SLC10A7: variants seen among roughly 807,000 people sequenced by gnomAD.
SLC10A7 encodes the protein solute carrier family 10 member 7, also known as sodium/bile acid cotransporter 7.
Under a neutral mutation model 43.2 loss-of-function variants are expected in SLC10A7, and 29 were observed. The observed-to-expected ratio is 0.67, with a 90% confidence interval of 0.50 to 0.92. SLC10A7 has a LOEUF of 0.92. Among genes scored for constraint, SLC10A7 ranks in the 40% least tolerant of loss-of-function variants. The pLI is 0.00. For synonymous variants in SLC10A7, 152 were observed against 144.8 expected, an observed-to-expected ratio of 1.05 and a Z score of -0.35; for missense variants, 295 against 403.2, an observed-to-expected ratio of 0.73 and a Z score of 2.30.
intron 5 of SLC10A7, among the ~76,000 whole-genome samples, chr4:146,429,296 T>A (rs759560127): frequency 2.5e-4 from 38 of 152,280 alleles, no homozygotes; most frequent in Admixed American, 3.3e-4. Flanking sequence ...ATTATGATAA[T>A]TAGCGTACAT....
intron 4 of SLC10A7, among the ~76,000 whole-genome samples, chr4:146,466,981 AAAC>A: frequency 6.6e-6 from 1 of 152,284 alleles, no homozygotes; most frequent in African/African-American, 2.4e-5. Context: ...TGGCCCCAAA[AAAC>A]AACTTCATCT....
At chr4:146,317,977 ATC>A (rs368600789) in intron 6 of SLC10A7, among the ~76,000 whole-genome samples, 274 of 151,722 alleles carry the variant, frequency 1.8e-3, no homozygotes, top group African/African-American at 6.5e-3. Flanking sequence ...CCCATAATAA[ATC>A]TCTCTCTCTA....
At chr4:146,280,305 G>T (rs115694031) in intron 10 of SLC10A7, among the ~76,000 whole-genome samples, 2,008 of 152,258 alleles carry the variant, frequency 0.013, 52 homozygotes, top group African/African-American at 0.045. Flanking sequence ...TGTGTCAGCA[G>T]TGAGAGAAAA....
chr4:146,310,359 G>A (rs548004252), intron 6 of SLC10A7, among the ~76,000 whole-genome samples: 2 of 152,256 alleles, frequency 1.3e-5, no homozygotes, highest in South Asian at 4.1e-4. Flanking sequence ...TTGCTGGGTT[G>A]AATGGTAGTT....
intron 7 of SLC10A7, 50 bp from the exon 8 acceptor site, chr4:146,294,145 T>C (rs777951626): frequency 5.6e-5 from 79 of 1,403,168 alleles, no homozygotes; most frequent in Non-Finnish European, 7.2e-5. Flanking sequence ...TGGAGGGAGT[T>C]GAAATGGGCA....
intron 2 of SLC10A7, among the ~76,000 whole-genome samples, chr4:146,512,514 G>A (rs1737577686): frequency 6.6e-6 from 1 of 152,106 alleles, no homozygotes; most frequent in Non-Finnish European, 1.5e-5. Flanking sequence ...CATTTAAAAA[G>A]TTAAAATCTA....
intron 4 of SLC10A7, among the ~76,000 whole-genome samples, chr4:146,476,252 C>A (rs1025026281): frequency 2.6e-5 from 4 of 152,048 alleles, no homozygotes; most frequent in Non-Finnish European, 5.9e-5. Context: ...TTTTAAAGCA[C>A]AATTAAACAC....
At chr4:146,348,804 A>G (rs1274295184) in intron 5 of SLC10A7, among the ~76,000 whole-genome samples, 1 of 152,212 alleles carries the variant, frequency 6.6e-6, no homozygotes, top group African/African-American at 2.4e-5. Flanking sequence ...GAGATAGCCA[A>G]AGATATAATA....
At chr4:146,287,526 A>G (rs1223286316) in intron 9 of SLC10A7, among the ~76,000 whole-genome samples, 2 of 152,208 alleles carry the variant, frequency 1.3e-5, no homozygotes, top group African/African-American at 4.8e-5. Context: ...CTTTCTTTGT[A>G]AAGTGTGAGC....
chr4:146,481,845 C>G (rs1478050836), intron 4 of SLC10A7, among the ~76,000 whole-genome samples: 1 of 152,174 alleles, frequency 6.6e-6, no homozygotes, highest in African/African-American at 2.4e-5. Context: ...AACAGTGCTG[C>G]TGTGGCTGCC....
intron 10 of SLC10A7, among the ~76,000 whole-genome samples, chr4:146,279,196 T>C (rs1729388595): frequency 6.6e-6 from 1 of 152,188 alleles, no homozygotes; most frequent in African/African-American, 2.4e-5. Flanking sequence ...TGCTTTCAGT[T>C]TGCTATTTAA....
At chr4:146,354,168 C>T (rs370018864) in intron 5 of SLC10A7, among the ~76,000 whole-genome samples, 9,810 of 145,968 alleles carry the variant, frequency 0.067, 416 homozygotes, top group South Asian at 0.17. Flanking sequence ...TCTCCTTAAG[C>T]TGATAAGCAA....
chr4:146,278,713 A>C lies in SLC10A7; in HGVS notation c.847+4479T>G, dbSNP rs1380980915. Among the ~76,000 whole-genome samples the C allele has an allele frequency of 2.0e-5, 3 of 152,194 alleles. No homozygotes were observed. In the East Asian group the frequency reaches 5.8e-4, roughly 29 times the overall value. ...GAGCAGAAATATCAGTCACAGACTC[A>C]CAGAAACTTAATACTGGAAGGAATC... On this transcript the variant is annotated intron_variant, in intron 10 of 11. Transcript: ENST00000335472.
At chr4:146,345,877 T>C (rs1734588177) in intron 5 of SLC10A7, among the ~76,000 whole-genome samples, 1 of 152,160 alleles carries the variant, frequency 6.6e-6, no homozygotes, top group South Asian at 2.1e-4. Context: ...TAGATACTGT[T>C]CTTGCACTTT....
chr4:146,446,049 C>G lies in SLC10A7; in HGVS notation c.397-3228G>C, dbSNP rs553234331. On this transcript the variant is annotated intron_variant, in intron 4 of 11. Transcript: ENST00000335472. ...AACAAGAATAGTTCTCACTTTGGGC[C>G]GTGGGTCCAGGCTTGAGGGTGGAGC... Among the ~76,000 whole-genome samples the G allele has an allele frequency of 3.9e-5, 6 of 152,140 alleles. No homozygotes were observed. In the East Asian group the frequency reaches 7.8e-4, roughly 20 times the overall value.
intron 5 of SLC10A7, among the ~76,000 whole-genome samples, chr4:146,424,702 G>A (rs1477312150): frequency 6.6e-6 from 1 of 151,394 alleles, no homozygotes; most frequent in South Asian, 2.1e-4. Flanking sequence ...CAAAAAAACA[G>A]AAGAAACCAT....
In SLC10A7 at chr4:146,331,917, G is replaced by A. The variant is rs565571592; in HGVS notation, c.436-5921C>T. ...TAAAGAGGTGGTATAGGGAATTCTG[G>A]ACACATCTAAATTTCAACAAAATGG... is the stretch of plus-strand genomic sequence containing the variant. On this transcript the variant is annotated intron_variant, in intron 5 of 11. Coordinates refer to ENST00000335472, the MANE Select transcript of SLC10A7 (RefSeq NM_001029998.6). Among the ~76,000 whole-genome samples, 18 of 152,206 alleles carry A rather than the reference G, an allele frequency of 1.2e-4. No individual in the cohort carries two copies. In the East Asian group the frequency reaches 3.5e-3, roughly 29 times the overall value.
chr4:146,339,440 TAGCCAG>T (rs1164933590), intron 5 of SLC10A7, among the ~76,000 whole-genome samples: 1 of 151,956 alleles, frequency 6.6e-6, no homozygotes, highest in Non-Finnish European at 1.5e-5. Context: ...TAATATTCCT[TAGCCAG>T]AGCCATTCCT....
At chr4:146,301,688 G>A (rs1178781881) in intron 7 of SLC10A7, among the ~76,000 whole-genome samples, 2 of 152,144 alleles carry the variant, frequency 1.3e-5, no homozygotes, top group African/African-American at 4.8e-5. Flanking sequence ...AGGCAGAAAC[G>A]GTAGGATGAA....
Sources: allele counts gnomAD v4.1 joint callset (sites outside exome capture counted in the v4.1 genomes callset), GRCh38; gene constraint gnomAD v4.1.1; transcripts MANE v1.5; gene names NCBI Gene and HGNC (gene_info 2026-07-23, HGNC 2026-07-21).